The following PDE4B variants were observed in gnomAD, a reference collection of about 807,000 sequenced individuals.
PDE4B encodes the protein 3',5'-cyclic-AMP phosphodiesterase 4B.
Under a neutral mutation model 82.2 loss-of-function variants are expected in PDE4B, and 20 were observed. That is an observed-to-expected ratio of 0.24 (90% CI 0.17 to 0.35). The LOEUF is 0.35. PDE4B is among the 10% of genes least tolerant of loss of function. PDE4B has a pLI of 1.00. For synonymous variants in PDE4B, 320 were observed against 318.9 expected (o/e 1.00, Z -0.04); for missense variants, 655 against 907.2 (o/e 0.72, Z 3.57).
At chr1:65,851,954 G>A (rs1343922809) in intron 1 of PDE4B, among the ~76,000 whole-genome samples, 1 of 151,852 alleles carries the variant, frequency 6.6e-6, no homozygotes, top group Non-Finnish European at 1.5e-5. Flanking sequence ...TTTTAATCAG[G>A]AACTCTTTTT....
chr1:66,040,627 A>T (rs1654314972), intron 3 of PDE4B, among the ~76,000 whole-genome samples: 1 of 152,084 alleles, frequency 6.6e-6, no homozygotes, highest in African/African-American at 2.4e-5. Context: ...AAGACTGGGA[A>T]TAAAAGTAGT....
chr1:66,105,839 G>A (rs1645339916), intron 3 of PDE4B, among the ~76,000 whole-genome samples: 1 of 151,788 alleles, frequency 6.6e-6, no homozygotes, highest in African/African-American at 2.4e-5. Flanking sequence ...GAGATTTTGG[G>A]CTGAGACAAT....
intron 3 of PDE4B, among the ~76,000 whole-genome samples, chr1:66,201,431 C>T (rs1048480358): frequency 6.6e-6 from 1 of 152,080 alleles, no homozygotes; most frequent in Non-Finnish European, 1.5e-5. Context: ...GTGCCAGTTC[C>T]TCCTTGTACC....
Position 65,920,768 on chromosome 1 carries a change from G to A in PDE4B, c.281+1933G>A, listed in dbSNP as rs72916418. On this transcript the variant is annotated intron_variant, in intron 3 of 16. Transcript: ENST00000341517. ...TAGTATCAGTAGCCTCATTCTTGGC[G>A]TCAGTATTTTAGGTTGAAATGGAAA... 8.8e-3 allele frequency among the ~76,000 whole-genome samples: 1,339 copies of A among 151,686 alleles called. 23 individuals carry two copies. The highest frequency in any genetic ancestry group is 0.031 in the African/African-American group (1,269 of 41,436).
At chr1:65,982,371 C>T (rs748069061) in intron 3 of PDE4B, among the ~76,000 whole-genome samples, 9 of 152,122 alleles carry the variant, frequency 5.9e-5, no homozygotes, top group Non-Finnish European at 1.3e-4. Context: ...TGTGAAGGGA[C>T]AGACTACATT....
chr1:65,923,942 T>C (rs1013515460), intron 3 of PDE4B, among the ~76,000 whole-genome samples: 3 of 152,026 alleles, frequency 2.0e-5, no homozygotes, highest in Non-Finnish European at 4.4e-5. Context: ...TCCTCTGCTG[T>C]TGGATTTCTG....
intron 1 of PDE4B, among the ~76,000 whole-genome samples, chr1:65,851,005 T>TTCACATA (rs1274789026): frequency 6.6e-6 from 1 of 152,202 alleles, no homozygotes; most frequent in Admixed American, 6.5e-5. Flanking sequence ...GGTTCACATG[T>TTCACATA]ATGTGAATAT....
chr1:65,997,307 C>T (rs114214506), intron 3 of PDE4B, among the ~76,000 whole-genome samples: 1,529 of 152,154 alleles, frequency 0.01, 19 homozygotes, highest in African/African-American at 0.035. Flanking sequence ...TGTATTCCTT[C>T]TTCTCGTTTA....
At chr1:66,354,745 ACTGAAT>A (rs1662102337) in intron 8 of PDE4B, 1 of 1,474,446 alleles carries the variant, frequency 6.8e-7, no homozygotes, top group African/African-American at 1.4e-5. Flanking sequence ...TTATTTTATC[ACTGAAT>A]CTGCAGGGCT....
chr1:66,202,403 G>T (rs1197399766), intron 3 of PDE4B, among the ~76,000 whole-genome samples: 3 of 152,168 alleles, frequency 2.0e-5, no homozygotes, highest in Non-Finnish European at 2.9e-5. Flanking sequence ...GGGTATCCTT[G>T]TTAACTTTCT....
chr1:65,909,182 A>T (rs1158289263), intron 1 of PDE4B, among the ~76,000 whole-genome samples: 4 of 152,168 alleles, frequency 2.6e-5, no homozygotes, highest in Non-Finnish European at 5.9e-5. Flanking sequence ...ATGTTCAATA[A>T]ATCAGTTACA....
At chr1:66,125,367 T>A (rs1645802605) in intron 3 of PDE4B, among the ~76,000 whole-genome samples, 1 of 152,158 alleles carries the variant, frequency 6.6e-6, no homozygotes, top group Admixed American at 6.5e-5. Context: ...TTTCACCATG[T>A]TGGTCAGGCT....
At chr1:66,220,272 C>T (rs1418288986) in intron 3 of PDE4B, among the ~76,000 whole-genome samples, 2 of 152,152 alleles carry the variant, frequency 1.3e-5, no homozygotes, top group Non-Finnish European at 2.9e-5. Context: ...CATTATGGAT[C>T]TAGATTAATA....
At chr1:66,287,138 A>C (rs907346670) in intron 7 of PDE4B, among the ~76,000 whole-genome samples, 1 of 152,176 alleles carries the variant, frequency 6.6e-6, no homozygotes. Context: ...ATATTAACTA[A>C]CAATTAAAGT....
At chr1:65,806,894 A>G (rs142903024) in intron 1 of PDE4B, among the ~76,000 whole-genome samples, 292 of 152,356 alleles carry the variant, frequency 1.9e-3, no homozygotes, top group African/African-American at 6.7e-3. Flanking sequence ...ATTGGAAAAT[A>G]TACATGGTAT....
rs981293100 is a variant in PDE4B, at chr1:66,187,646, G to A, written c.282-59814G>A. ...AGAGGTGTTTGTAGTATTCTCTGAT[G>A]GTAGTTGGTATTTCTGTGGGATCTG... On this transcript the variant is annotated intron_variant, in intron 3 of 16. Coordinates refer to ENST00000341517, the MANE Select transcript of PDE4B (RefSeq NM_002600.4). 3.3e-5 allele frequency among the ~76,000 whole-genome samples: 5 copies of A among 152,280 alleles called. 1 individual carries two copies. Among genetic ancestry groups the A allele is most frequent in the African/African-American group, 1.2e-4 (5 of 41,556 alleles).
At chr1:66,278,881 G>T (rs992776640) in intron 7 of PDE4B, among the ~76,000 whole-genome samples, 2 of 151,994 alleles carry the variant, frequency 1.3e-5, no homozygotes, top group Non-Finnish European at 2.9e-5. Flanking sequence ...GCATGCATAC[G>T]TGCATGTGTG....
chr1:66,030,210 T>G (rs1245994854), intron 3 of PDE4B, among the ~76,000 whole-genome samples: 2 of 152,176 alleles, frequency 1.3e-5, no homozygotes, highest in Non-Finnish European at 2.9e-5. Context: ...CCTACTTGAT[T>G]GTGGTGAATA....
At chr1:65,802,868 A>G (rs1487383909) in intron 1 of PDE4B, among the ~76,000 whole-genome samples, 2 of 152,152 alleles carry the variant, frequency 1.3e-5, no homozygotes, top group African/African-American at 4.8e-5. Flanking sequence ...AAAAAGTCAC[A>G]ATTTCCTTCT....
Sources: gnomAD v4.1 joint callset for allele counts (sites outside exome capture counted in the v4.1 genomes callset) on GRCh38, gnomAD v4.1.1 for gene constraint, MANE v1.5 for transcripts, NCBI Gene and HGNC (gene_info 2026-07-23, HGNC 2026-07-21) for gene names.